The following NSMCE2 variants were observed in gnomAD, a reference collection of about 807,000 sequenced individuals.
NSMCE2 encodes the protein NSE2 SUMO ligase component of SMC5/6 complex.
In NSMCE2, 24 loss-of-function variants were observed where a neutral mutation model predicts 23.8. That is an observed-to-expected ratio of 1.01 (90% CI 0.73 to 1.42). The LOEUF is 1.42. Among genes scored for constraint, NSMCE2 ranks in the 40% most tolerant of loss-of-function variants. The pLI is 0.00. For synonymous variants in NSMCE2, 92 were observed against 94.1 expected (o/e 0.98, Z 0.13); for missense variants, 284 against 296.5 (o/e 0.96, Z 0.31).
chr8:125,202,620 G>T (rs1286396969), intron 5 of NSMCE2, among the ~76,000 whole-genome samples: 1 of 152,156 alleles, frequency 6.6e-6, no homozygotes, highest in South Asian at 2.1e-4. Flanking sequence ...AATATTATAT[G>T]TGAAAAGTGT....
At chr8:125,290,347 G>C (rs1415671957) in intron 5 of NSMCE2, among the ~76,000 whole-genome samples, 1 of 152,232 alleles carries the variant, frequency 6.6e-6, no homozygotes, top group Middle Eastern at 3.4e-3. Flanking sequence ...TAAATAAGCT[G>C]TAAGGAAAAA....
chr8:125,293,144 A>G (rs1265777293), intron 5 of NSMCE2, among the ~76,000 whole-genome samples: 1 of 152,156 alleles, frequency 6.6e-6, no homozygotes, highest in African/African-American at 2.4e-5. Context: ...TTGAGCACTT[A>G]CTATATTCTG....
At chr8:125,304,596 C>G (rs1481113787) in intron 5 of NSMCE2, among the ~76,000 whole-genome samples, 8 of 152,090 alleles carry the variant, frequency 5.3e-5, no homozygotes, top group Non-Finnish European at 1.2e-4. Context: ...GTGGCTCACA[C>G]CTGTAATCCT....
intron 3 of NSMCE2, among the ~76,000 whole-genome samples, chr8:125,110,092 C>T (rs940287974): frequency 1.3e-5 from 2 of 151,986 alleles, no homozygotes; most frequent in Non-Finnish European, 2.9e-5. Flanking sequence ...AGGAATCTCC[C>T]TTCTCTAAAA....
chr8:125,299,709 TTC>T, intron 5 of NSMCE2, among the ~76,000 whole-genome samples: 1 of 152,010 alleles, frequency 6.6e-6, no homozygotes, highest in Non-Finnish European at 1.5e-5. Context: ...GGCAATTCAT[TTC>T]ACTGAGAATA....
In NSMCE2 at chr8:125,227,800, A is replaced by G. The variant is rs141265587; in HGVS notation, c.418+45544A>G. The stretch of plus-strand genomic sequence containing the variant: ...TACCCAGAGATAACCACATAATAAC[A>G]TTTTGTGGTTTCTTTTAGTCTTTTT... On this transcript the variant is annotated intron_variant, in intron 5 of 7. Transcript: ENST00000287437. Among the ~76,000 whole-genome samples, 39 of 152,278 alleles carry G rather than the reference A, an allele frequency of 2.6e-4. No homozygotes were observed. The East Asian group carries it at 6.0e-3, about 23-fold the overall frequency.
rs915128247 is a variant in NSMCE2 at position 125,103,579 on chromosome 8, C to T, written c.157+1092C>T. 3.3e-5 allele frequency among the ~76,000 whole-genome samples: 5 copies of T among 151,890 alleles called. No individual in the cohort carries two copies. In the South Asian group the frequency reaches 6.2e-4, roughly 19 times the overall value. On this transcript the variant is annotated intron_variant, in intron 3 of 7. Coordinates refer to ENST00000287437, the MANE Select transcript of NSMCE2 (RefSeq NM_173685.4). ...CAAATATATTTTTTTAATTCCTCTG[C>T]TCTCCTCTCCTTCTGTGTGACTCAC...
intron 1 of NSMCE2, among the ~76,000 whole-genome samples, chr8:125,095,355 G>A (rs561027539): frequency 3.9e-5 from 6 of 152,154 alleles, no homozygotes; most frequent in South Asian, 4.2e-4. Flanking sequence ...TTGAGAGGCC[G>A]AGTTGGGAGG....
chr8:125,188,138 C>A (rs1173098886), intron 5 of NSMCE2, among the ~76,000 whole-genome samples: 1 of 152,120 alleles, frequency 6.6e-6, no homozygotes, highest in African/African-American at 2.4e-5. Flanking sequence ...AAGGAGGGAG[C>A]GGCCATTCAC....
At chr8:125,141,156 T>A (rs890476164) in intron 3 of NSMCE2, among the ~76,000 whole-genome samples, 5 of 152,200 alleles carry the variant, frequency 3.3e-5, no homozygotes, top group Non-Finnish European at 7.3e-5. Context: ...ACTATCACAG[T>A]CATTTATAGA....
At chr8:125,178,365 C>G (rs1822596619) in intron 4 of NSMCE2, among the ~76,000 whole-genome samples, 1 of 152,168 alleles carries the variant, frequency 6.6e-6, no homozygotes, top group South Asian at 2.1e-4. Context: ...ACAGAAAAAT[C>G]TGACCTTTTG....
At chr8:125,359,851 A>T (rs1327648690) in intron 7 of NSMCE2, among the ~76,000 whole-genome samples, 1 of 152,100 alleles carries the variant, frequency 6.6e-6, no homozygotes, top group East Asian at 1.9e-4. Context: ...GGCATGGGAG[A>T]CGAGGACAGT....
At chr8:125,141,213 G>T (rs757530618) in intron 3 of NSMCE2, among the ~76,000 whole-genome samples, 56 of 152,176 alleles carry the variant, frequency 3.7e-4, no homozygotes, top group Non-Finnish European at 6.9e-4. Flanking sequence ...AATCAAAGAT[G>T]TCGTGGTCTC....
chr8:125,323,230 T>C (rs1477262755), intron 5 of NSMCE2, among the ~76,000 whole-genome samples: 1 of 152,212 alleles, frequency 6.6e-6, no homozygotes, highest in Non-Finnish European at 1.5e-5. Context: ...TCTCACCGAA[T>C]TGATCTGTTG....
intron 5 of NSMCE2, among the ~76,000 whole-genome samples, chr8:125,195,579 C>T (rs1563711859): frequency 2.0e-5 from 3 of 152,006 alleles, no homozygotes; most frequent in Admixed American, 2.0e-4. Context: ...TTTTGAAACT[C>T]GATGTTGTAC....
At chr8:125,119,781 C>T (rs1819182346) in intron 3 of NSMCE2, among the ~76,000 whole-genome samples, 1 of 152,144 alleles carries the variant, frequency 6.6e-6, no homozygotes. Flanking sequence ...CATAGCTAAA[C>T]CAACTTGATT....
chr8:125,170,415 T>TTTTTA (rs1199459816), intron 4 of NSMCE2, among the ~76,000 whole-genome samples: 6 of 93,198 alleles, frequency 6.4e-5, no homozygotes, highest in East Asian at 3.3e-4. Flanking sequence ...TTTTTTTTTT[T>TTTTTA]AAGACAGAGT....
At chr8:125,328,381 G>C (rs1829756238) in intron 5 of NSMCE2, among the ~76,000 whole-genome samples, 1 of 152,126 alleles carries the variant, frequency 6.6e-6, no homozygotes, top group Non-Finnish European at 1.5e-5. Context: ...TCTAGTGAAA[G>C]AATAAAAGAA....
At chr8:125,138,880 C>T (rs568728079) in intron 3 of NSMCE2, among the ~76,000 whole-genome samples, 7 of 152,184 alleles carry the variant, frequency 4.6e-5, no homozygotes, top group Middle Eastern at 3.2e-3. Flanking sequence ...CCAGAATTTA[C>T]AGCCTGCTTC....
Sources: gnomAD v4.1 joint callset for allele counts (sites outside exome capture counted in the v4.1 genomes callset) on GRCh38, gnomAD v4.1.1 for gene constraint, MANE v1.5 for transcripts, NCBI Gene and HGNC (gene_info 2026-07-23, HGNC 2026-07-21) for gene names.